PPP2R5A: variants seen among roughly 807,000 people sequenced by gnomAD.
The protein encoded by PPP2R5A is protein phosphatase 2 regulatory subunit B'alpha, also known as serine/threonine-protein phosphatase 2A 56 kDa regulatory subunit alpha isoform.
Under a neutral mutation model 64.2 loss-of-function variants are expected in PPP2R5A, and 25 were observed. That is an observed-to-expected ratio of 0.39 (90% CI 0.28 to 0.54). The LOEUF (loss-of-function observed/expected upper bound fraction) is 0.54, where lower values mean the gene tolerates loss of function less well. Ranked by LOEUF, PPP2R5A falls within the 20% of genes least tolerant of loss-of-function variation. The pLI is 0.67. For synonymous variants in PPP2R5A, 198 were observed against 201.2 expected (o/e 0.98, Z 0.13); for missense variants, 425 against 576.3 (o/e 0.74, Z 2.69).
chr1:212,360,984 G>GTGTC lies in PPP2R5A; in HGVS notation c.*215_*218dup, dbSNP rs1571617312. ...CCTTTGTCTAATCATTGGATTTATT[G>GTGTC]TGTCACTTCTGAAGTTTCACAGAAA... On this transcript the variant is annotated 3_prime_UTR_variant, in exon 13 of 13. Transcript: ENST00000261461. 2.7e-5 allele frequency: 9 copies of GTGTC among 339,450 alleles called. No individual in the cohort carries two copies. The East Asian group carries it at 4.2e-4, about 16-fold the overall frequency. The allele number at this position is 339,450 out of a possible 1,614,324, so 21.0% of individuals were successfully genotyped here. A position where few individuals can be genotyped will look rare whatever the true frequency, so the allele number is the denominator to read the frequency against.
chr1:212,347,399 T>C lies in PPP2R5A; in HGVS notation c.757T>C (p.Leu253=), dbSNP rs1659801381. The change falls in exon 6 of 13, where the codon TTA becomes CTA. Residue 253 remains leucine, a synonymous_variant. Transcript: ENST00000261461. ...TGGTGTTGCTGAACTTCTTGAAATA[T>C]TAGGAAGGTAGGTCAGGTTTTTTTG... ...FNGVAELLEI[L]GSIINGFALP... The C allele has an allele frequency of 6.3e-7, 1 of 1,591,694 alleles. No individual in the cohort carries two copies. The highest frequency in any genetic ancestry group is 8.6e-7 in the Non-Finnish European group (1 of 1,161,758).
intron 1 of PPP2R5A, among the ~76,000 whole-genome samples, chr1:212,296,914 C>T (rs569812336): frequency 1.3e-5 from 2 of 152,142 alleles, no homozygotes; most frequent in East Asian, 3.9e-4. Flanking sequence ...ATTCTTATGC[C>T]GGTCATGTAT....
intron 3 of PPP2R5A, among the ~76,000 whole-genome samples, chr1:212,339,209 C>T (rs987858073): frequency 6.6e-6 from 1 of 151,968 alleles, no homozygotes; most frequent in African/African-American, 2.4e-5. Flanking sequence ...TGGAGTTTTG[C>T]TCTTGTTGCC....
chr1:212,295,889 G>A (rs1658683190), intron 1 of PPP2R5A, among the ~76,000 whole-genome samples: 1 of 152,144 alleles, frequency 6.6e-6, no homozygotes, highest in Non-Finnish European at 1.5e-5. Flanking sequence ...AAAGCTGAGT[G>A]AGTAAGTATG....
At chr1:212,351,286 G>A (rs541936188) in intron 8 of PPP2R5A, among the ~76,000 whole-genome samples, 14 of 152,074 alleles carry the variant, frequency 9.2e-5, no homozygotes, top group Non-Finnish European at 1.8e-4. Context: ...AAGATCTCTC[G>A]ATATAGAGAT....
At chr1:212,321,676 C>A (rs1266235630) in intron 1 of PPP2R5A, among the ~76,000 whole-genome samples, 1 of 145,804 alleles carries the variant, frequency 6.9e-6, no homozygotes, top group Admixed American at 6.7e-5. Context: ...GGATGGCGGC[C>A]GGGCAGAGAC....
At chr1:212,304,007 T>C (rs1658847022) in intron 1 of PPP2R5A, among the ~76,000 whole-genome samples, 1 of 152,204 alleles carries the variant, frequency 6.6e-6, no homozygotes. Flanking sequence ...TCGGCTGTTA[T>C]TGGGTTATTT....
chr1:212,290,591 A>T (rs1228782707), intron 1 of PPP2R5A, among the ~76,000 whole-genome samples: 1 of 152,248 alleles, frequency 6.6e-6, no homozygotes, highest in Non-Finnish European at 1.5e-5. Flanking sequence ...TAGTCCTCAC[A>T]TAAAGGAAAA....
In PPP2R5A at chr1:212,361,545, C is replaced by T. The variant is rs1283306927; in HGVS notation, c.*775C>T. On this transcript the variant is annotated 3_prime_UTR_variant, in exon 13 of 13. Transcript: ENST00000261461. ...GGCAGGGCCTTTCCAGTCCTCACAA[C>T]CTGTCCTTCACCTAGTCCCTCCTGA... 1 of 152,706 alleles carries T rather than the reference C, an allele frequency of 6.5e-6. No individual in the cohort carries two copies. Among genetic ancestry groups the T allele is most frequent in the Non-Finnish European group, 1.5e-5 (1 of 68,072 alleles). The allele number at this position is 152,706 out of a possible 1,614,324, so 9.5% of individuals were successfully genotyped here. A position where few individuals can be genotyped will look rare whatever the true frequency, so the allele number is the denominator to read the frequency against.
chr1:212,285,908 A>G lies in PPP2R5A; in HGVS notation c.-203A>G, dbSNP rs1312667001. The G allele has an allele frequency of 2.2e-6, 1 of 446,288 alleles. No individual in the cohort carries two copies. The highest frequency in any genetic ancestry group is 2.1e-5 in the African/African-American group (1 of 48,390). 27.6% of individuals were successfully genotyped at this position (446,288 alleles called of 1,614,324 possible). ...AGCTCGCCGCGCGCCGGGGACCAGG[A>G]ACCTCCAGCGCTGAGATGTGGCCGT... On this transcript the variant is annotated 5_prime_UTR_variant, in exon 1 of 13. Coordinates refer to ENST00000261461, the MANE Select transcript of PPP2R5A (RefSeq NM_006243.4).
chr1:212,316,459 C>T (rs1341244478), intron 1 of PPP2R5A, among the ~76,000 whole-genome samples: 3 of 152,118 alleles, frequency 2.0e-5, no homozygotes, highest in African/African-American at 4.8e-5. Flanking sequence ...AACCTCTGTA[C>T]TTAATTGATA....
intron 2 of PPP2R5A, among the ~76,000 whole-genome samples, chr1:212,333,130 T>G (rs1307190443): frequency 6.6e-6 from 1 of 152,162 alleles, no homozygotes; most frequent in African/African-American, 2.4e-5. Flanking sequence ...CTTGAACTCC[T>G]GACCTCAGAC....
At chr1:212,351,956 T>C (rs1033317238) in intron 8 of PPP2R5A, among the ~76,000 whole-genome samples, 3 of 142,706 alleles carry the variant, frequency 2.1e-5, no homozygotes, top group Non-Finnish European at 4.7e-5. Context: ...AAAATAATTT[T>C]TTTATTTTTC....
chr1:212,361,735 A>G lies in PPP2R5A; in HGVS notation c.*965A>G, dbSNP rs1429006711. 1.3e-5 allele frequency: 2 copies of G among 152,672 alleles called. No homozygotes were observed. The highest frequency in any genetic ancestry group is 2.9e-5 in the Non-Finnish European group (2 of 68,040). The allele number at this position is 152,672 out of a possible 1,614,324, so 9.5% of individuals were successfully genotyped here. The stretch of plus-strand genomic sequence containing the variant: ...TTTTACTTGGTCAAGTATTTCTCAC[A>G]TCTTTTGTTATCAGAGTACCATTCC... On this transcript the variant is annotated 3_prime_UTR_variant, in exon 13 of 13. Coordinates refer to ENST00000261461, the MANE Select transcript of PPP2R5A (RefSeq NM_006243.4).
At chr1:212,340,916 T>C (rs1659675399) in intron 3 of PPP2R5A, among the ~76,000 whole-genome samples, 1 of 152,226 alleles carries the variant, frequency 6.6e-6, no homozygotes, top group Non-Finnish European at 1.5e-5. Flanking sequence ...TTCTTTTCCC[T>C]TTTTCTTTTC....
At chr1:212,351,314 AGGCCATTCCAGCACCAAAATTAC>A (rs1458483167) in intron 8 of PPP2R5A, among the ~76,000 whole-genome samples, 1 of 152,184 alleles carries the variant, frequency 6.6e-6, no homozygotes, top group African/African-American at 2.4e-5. Flanking sequence ...TTTCTAACAT[AGGCCATTCCAGCACCAAAATTAC>A]GGCCATATTA....
At chr1:212,292,566 GT>G (rs1361111626) in intron 1 of PPP2R5A, among the ~76,000 whole-genome samples, 1 of 151,902 alleles carries the variant, frequency 6.6e-6, no homozygotes, top group Middle Eastern at 3.2e-3. Context: ...TTTCTGTTTT[GT>G]TTTTTGGTTT....
At chr1:212,309,407 T>G in intron 1 of PPP2R5A, 1 of 1,367,482 alleles carries the variant, frequency 7.3e-7, no homozygotes, top group East Asian at 2.3e-5. Flanking sequence ...CGGATCTTCT[T>G]TTTTTTGTGG....
intron 3 of PPP2R5A, 69 bp downstream of exon 3, chr1:212,333,667 A>G (rs1187193673): frequency 2.3e-6 from 2 of 882,040 alleles, no homozygotes; most frequent in Non-Finnish European, 3.3e-6. Context: ...TGGTTTTCTC[A>G]TTTAGATTCT....
Sources: gnomAD v4.1 joint callset for allele counts (sites outside exome capture counted in the v4.1 genomes callset) on GRCh38, gnomAD v4.1.1 for gene constraint, MANE v1.5 for transcripts, NCBI Gene and HGNC (gene_info 2026-07-23, HGNC 2026-07-21) for gene names.